The following DNAH17 variants were observed in gnomAD, a reference collection of about 807,000 sequenced individuals.
DNAH17 encodes axonemal beta dynein heavy chain 17.
DNAH17 carries 376 observed loss-of-function variants against 485.6 expected under a neutral mutation model. The observed-to-expected ratio is 0.77, with a 90% CI of 0.71 to 0.84. The LOEUF is 0.84. Among genes scored for constraint, DNAH17 ranks in the 40% least tolerant of loss-of-function variants. The probability of loss-of-function intolerance (pLI) is 0.00; values close to 1 mark genes in which losing one functional copy is unlikely to be tolerated. For missense variants in DNAH17, 6,370 were observed against 5,839.3 expected, an observed-to-expected ratio of 1.09 and a Z score of -2.96; for synonymous variants, 3,031 against 2,405.9, an observed-to-expected ratio of 1.26 and a Z score of -7.60.
At chr17:78,513,010 G>A (rs2090676966) in intron 26 of DNAH17, among the ~76,000 whole-genome samples, 1 of 150,346 alleles carries the variant, frequency 6.7e-6, no homozygotes, top group Admixed American at 6.6e-5. Context: ...CAGAGGAAGG[G>A]GAGGAATCTA....
At chr17:78,430,879 G>T (rs2086646632) in intron 75 of DNAH17, among the ~76,000 whole-genome samples, 1 of 151,664 alleles carries the variant, frequency 6.6e-6, no homozygotes, top group Non-Finnish European at 1.5e-5. Context: ...ACTGTGCCCA[G>T]CCCATATGTA....
At chr17:78,494,926 C>T in intron 39 of DNAH17, 33 bp downstream of exon 39, 1 of 1,595,374 alleles carries the variant, frequency 6.3e-7, no homozygotes, top group Non-Finnish European at 8.6e-7. Context: ...AAACTCCCAC[C>T]CACACCCGCC....
rs2090304078 is a variant in DNAH17, at chr17:78,501,844, C to T, written c.5220G>A (p.Leu1740=). 1.2e-6 allele frequency: 2 copies of T among 1,614,020 alleles called. No individual in the cohort carries two copies. The highest frequency in any genetic ancestry group is 2.7e-5 in the African/African-American group (2 of 75,056). The change falls in exon 34 of 81, where the codon CTG becomes CTA. Residue 1740 remains leucine (L), a synonymous_variant. Transcript: ENST00000389840. ...CGCCAGCGTTGAGGTTCCCCATGAGCAGCGTGATGAGTACGTTCAGCTGGC... is the reference window on the plus strand; with the variant it reads ...CGCCAGCGTTGAGGTTCCCCATGAGTAGCGTGATGAGTACGTTCAGCTGGC... ...QISQLNVLIT[L]LMGNLNAGDR... is the part of the protein sequence containing the mutation.
intron 72 of DNAH17, 133 bp from the exon 73 acceptor site, chr17:78,439,350 C>CAGCAAGT: frequency 3.6e-6 from 4 of 1,113,012 alleles, no homozygotes; most frequent in Non-Finnish European, 3.7e-6. Flanking sequence ...TGACATAAAA[C>CAGCAAGT]TTGCTGTTTT....
At chr17:78,429,958 C>T (rs904438042) in intron 75 of DNAH17, among the ~76,000 whole-genome samples, 1 of 152,168 alleles carries the variant, frequency 6.6e-6, no homozygotes, top group African/African-American at 2.4e-5. Flanking sequence ...CTAGGCTGCC[C>T]GGGCCTTAGG....
At chr17:78,575,186 CAAAA>C (rs974379167) in intron 1 of DNAH17, 104 bp from the exon 2 acceptor site, 1 of 843,096 alleles carries the variant, frequency 1.2e-6, no homozygotes. Flanking sequence ...GGAGCAGGAA[CAAAA>C]CAGTTGGTCG....
intron 54 of DNAH17, among the ~76,000 whole-genome samples, chr17:78,471,149 G>T (rs758734114): frequency 2.0e-5 from 3 of 152,178 alleles, no homozygotes; most frequent in Non-Finnish European, 4.4e-5. Context: ...TGTCCATATA[G>T]GCACCCCAGT....
rs78471073 is a variant in DNAH17, at chr17:78,523,655, C to T, written c.3864+1354G>A. ...TACTGGAGGCTGATGCCTGTAATAC[C>T]AGCACTTTAGAAGGCTGAGACGGAT... On this transcript the variant is annotated intron_variant, in intron 25 of 80. Coordinates refer to ENST00000389840, the MANE Select transcript of DNAH17 (RefSeq NM_173628.4). 9.9e-3 allele frequency among the ~76,000 whole-genome samples: 1,513 copies of T among 152,316 alleles called. 24 individuals carry two copies. Among genetic ancestry groups the T allele is most frequent in the African/African-American group, 0.034 (1,396 of 41,568 alleles).
intron 1 of DNAH17, 26 bp from the exon 2 acceptor site, chr17:78,575,108 C>G: frequency 2.1e-6 from 3 of 1,458,504 alleles, no homozygotes; most frequent in South Asian, 1.3e-5. Context: ...GAAACAGGTA[C>G]GAACTGTCTC....
chr17:78,463,243 G>A (rs2088231636), intron 56 of DNAH17, among the ~76,000 whole-genome samples, 166 bp from the exon 57 acceptor site: 1 of 152,174 alleles, frequency 6.6e-6, no homozygotes, highest in South Asian at 2.1e-4. Context: ...AGATCCTGGG[G>A]CCCTTGTGAG....
At chr17:78,510,022 A>C (rs2090590479) in intron 27 of DNAH17, among the ~76,000 whole-genome samples, 1 of 152,022 alleles carries the variant, frequency 6.6e-6, no homozygotes, top group South Asian at 2.1e-4. Flanking sequence ...CCTCTACTAA[A>C]AGTATGAAAA....
Position 78,455,697 on chromosome 17 carries a change from A to G in DNAH17, c.10117T>C (p.Tyr3373His). ...VSYVGYFTKK[Y>H]RNELMEKFWI... is the part of the protein sequence containing the mutation. ...AATTTCTCCATCAGCTCATTCCGGT[A>G]TTTCTTGGTGAAGTAGCCCACGTAG... Residue 3373 changes from tyrosine (Y) to histidine (H), a missense_variant, in exon 63 of 81, where the codon TAC (tyrosine) becomes CAC (histidine). Tyr to His is a moderately conservative substitution (Grantham distance 83, BLOSUM62 2). Coordinates refer to ENST00000389840, the MANE Select transcript of DNAH17 (RefSeq NM_173628.4). 1 of 1,591,662 alleles carries G rather than the reference A, an allele frequency of 6.3e-7. No homozygotes were observed. The highest frequency in any genetic ancestry group is 8.5e-7 in the Non-Finnish European group (1 of 1,169,740).
At position 78,490,835 on chromosome 17, in the gene DNAH17, C is replaced by A. The variant is rs1363398880; in HGVS notation, c.6682G>T (p.Ala2228Ser). Residue 2228 changes from alanine to serine, a missense_variant, in exon 44 of 81, where the codon GCC (alanine) becomes TCC (serine). By Grantham distance (99) the Ala-to-Ser change is moderately conservative (BLOSUM62 1). Transcript: ENST00000389840. ...VMDDNKVLTL[A>S]SNERIPLNRT... ...TTCAGGGGGATCCGCTCGTTGCTGG[C>A]CAGGGTGAGGACCTAGGAGGGGGAC... 1 of 1,599,988 alleles carries A rather than the reference C, an allele frequency of 6.3e-7. No individual in the cohort carries two copies. Among genetic ancestry groups the A allele is most frequent in the Non-Finnish European group, 8.5e-7 (1 of 1,173,108 alleles).
At position 78,561,938 on chromosome 17, in the gene DNAH17, G is replaced by T. The variant is rs143493037; in HGVS notation, c.1612C>A (p.Leu538Ile). The T allele has an allele frequency of 3.1e-6, 5 of 1,612,920 alleles. No homozygotes were observed. The African/African-American group carries it at 6.7e-5, about 22-fold the overall frequency. The change falls in exon 12 of 81, where the codon CTT becomes ATT. Residue 538 changes from leucine to isoleucine, a missense_variant. By Grantham distance (5) the Leu-to-Ile change is conservative. Transcript: ENST00000389840. ...CGGLMERPLILAEVAPRYSVM... is the reference protein window; with the variant it reads ...CGGLMERPLIIAEVAPRYSVM... ...GAATACCTGGGCGCCACCTCGGCAA[G>T]AATCAGGGGCCGCTCCATGAGGCCC...
At chr17:78,541,843 C>T (rs2091598768) in intron 17 of DNAH17, among the ~76,000 whole-genome samples, 2 of 152,160 alleles carry the variant, frequency 1.3e-5, no homozygotes. Flanking sequence ...AATCAGTTAA[C>T]TCTTCCAAGT....
chr17:78,454,496 C>CA lies in DNAH17; in HGVS notation c.10379dup (p.Lys3461GlufsTer27). ...TCTTCTGTCCCAGGCGGATGGCTTT[C>CA]AGTTCACTCCTGTATTTGTTTTTGA... On this transcript the variant is annotated frameshift_variant, in exon 64 of 81. Coordinates refer to ENST00000389840, the MANE Select transcript of DNAH17 (RefSeq NM_173628.4). LOFTEE classifies it high-confidence loss of function. 6.2e-7 allele frequency: 1 copy of CA among 1,613,292 alleles called. No homozygotes were observed. Among genetic ancestry groups the CA allele is most frequent in the Non-Finnish European group, 8.5e-7 (1 of 1,179,770 alleles).
At chr17:78,447,240 G>C (rs947481924) in intron 69 of DNAH17, among the ~76,000 whole-genome samples, 1 of 152,190 alleles carries the variant, frequency 6.6e-6, no homozygotes, top group African/African-American at 2.4e-5. Flanking sequence ...TCTGGCTTTT[G>C]GCTGCTGCGA....
intron 47 of DNAH17, 108 bp from the exon 48 acceptor site, chr17:78,485,141 C>T: frequency 7.1e-7 from 1 of 1,398,950 alleles, no homozygotes; most frequent in African/African-American, 1.4e-5. Context: ...TGGGACCTGG[C>T]TGGGATCCAA....
intron 73 of DNAH17, 68 bp from the exon 74 acceptor site, chr17:78,437,936 C>T (rs535081953): frequency 9.7e-6 from 12 of 1,239,948 alleles, no homozygotes; most frequent in East Asian, 2.4e-5. Flanking sequence ...GAGACTGGCA[C>T]GTGGCTATGT....
Sources: allele counts gnomAD v4.1 joint callset (sites outside exome capture counted in the v4.1 genomes callset), GRCh38; gene constraint gnomAD v4.1.1; transcripts MANE v1.5; gene names NCBI Gene and HGNC (gene_info 2026-07-23, HGNC 2026-07-21).